The following SLC2A9 variants were observed in gnomAD, a reference collection of about 807,000 sequenced individuals.
SLC2A9 encodes the protein solute carrier family 2, facilitated glucose transporter member 9.
A neutral mutation model predicts 50.6 loss-of-function variants in SLC2A9; 39 were observed. That is an observed-to-expected ratio of 0.77 (90% CI 0.60 to 1.01). The LOEUF (loss-of-function observed/expected upper bound fraction) is 1.01, where lower values mean the gene tolerates loss of function less well. SLC2A9 is among the 50% of genes least tolerant of loss of function. The probability of loss-of-function intolerance (pLI) is 0.00; values close to 1 mark genes in which losing one functional copy is unlikely to be tolerated. For missense variants in SLC2A9, 686 were observed against 677.6 expected, an observed-to-expected ratio of 1.01 and a Z score of -0.14; for synonymous variants, 324 against 276.9, an observed-to-expected ratio of 1.17 and a Z score of -1.69.
In SLC2A9 at chr4:9,940,350, G is replaced by A. The variant is rs558031753; in HGVS notation, c.814+1563C>T. Among the ~76,000 whole-genome samples, 11 of 152,228 alleles carry A rather than the reference G, an allele frequency of 7.2e-5. No homozygotes were observed. In the South Asian group the frequency reaches 1.7e-3, roughly 23 times the overall value. ...ACCCGGTACAATAGCCACTACTTCC[G>A]TTTCCTGGTATCTCTCTGTGCACGA... On this transcript the variant is annotated intron_variant, in intron 6 of 11. Transcript: ENST00000264784.
chr4:10,003,482 T>C (rs1347514050), intron 2 of SLC2A9, among the ~76,000 whole-genome samples: 1 of 152,194 alleles, frequency 6.6e-6, no homozygotes, highest in Non-Finnish European at 1.5e-5. Context: ...GAAGCCTCTA[T>C]AGACTCTGGA....
chr4:9,937,902 C>A lies in SLC2A9; in HGVS notation c.814+4011G>T, dbSNP rs1577979675. The stretch of plus-strand genomic sequence containing the variant: ...AGCAAGAGCCTACAAAGCACAAAGC[C>A]CAGCTCCCTCAAGCATCAGCGGCCT... On this transcript the variant is annotated intron_variant, in intron 6 of 11. Coordinates refer to ENST00000264784, the MANE Select transcript of SLC2A9 (RefSeq NM_020041.3). Among the ~76,000 whole-genome samples, 6 of 152,312 alleles carry A rather than the reference C, an allele frequency of 3.9e-5. 1 individual carries two copies. The highest frequency in any genetic ancestry group is 3.9e-4 in the Admixed American group (6 of 15,302).
chr4:9,812,656 C>T (rs1723045663), intron 3 of SLC2A9, among the ~76,000 whole-genome samples: 1 of 152,108 alleles, frequency 6.6e-6, no homozygotes, highest in African/African-American at 2.4e-5. Context: ...TGAGAAGTGC[C>T]ACATTTTAAA....
chr4:9,840,861 A>G (rs189281391), intron 10 of SLC2A9, among the ~76,000 whole-genome samples: 1 of 152,324 alleles, frequency 6.6e-6, no homozygotes, highest in Non-Finnish European at 1.5e-5. Flanking sequence ...CAGGAAACTT[A>G]CAATCGTGGA....
chr4:9,831,733 T>C (rs978909553), intron 11 of SLC2A9, among the ~76,000 whole-genome samples: 4 of 152,218 alleles, frequency 2.6e-5, no homozygotes, highest in Admixed American at 1.3e-4. Flanking sequence ...AAGCTGGCAG[T>C]GCAGCCATGT....
At chr4:9,775,266 G>T (rs371697515), downstream of SLC2A9, among the ~76,000 whole-genome samples, 1 of 152,144 alleles carries the variant, frequency 6.6e-6, no homozygotes, top group African/African-American at 2.4e-5. Flanking sequence ...GGGGCCCAAC[G>T]GGGAGACTCT....
chr4:9,812,691 A>G (rs1229739596), intron 3 of SLC2A9, among the ~76,000 whole-genome samples: 1 of 152,180 alleles, frequency 6.6e-6, no homozygotes, highest in Non-Finnish European at 1.5e-5. Context: ...CAAGAGACAC[A>G]TAGTCATGGA....
At chr4:9,991,850 G>T (rs1256953737) in intron 3 of SLC2A9, among the ~76,000 whole-genome samples, 1 of 152,182 alleles carries the variant, frequency 6.6e-6, no homozygotes, top group Non-Finnish European at 1.5e-5. Context: ...CCAGCCTCCA[G>T]AACTGTGAGA....
At chr4:9,783,774 C>G (rs371426510) in intron 3 of SLC2A9, 3 of 275,790 alleles carry the variant, frequency 1.1e-5, no homozygotes, top group African/African-American at 2.2e-5. Flanking sequence ...ATGCTCTCCC[C>G]TCCCTTTTTA....
At chr4:9,919,426 T>C (rs1240005161) in intron 7 of SLC2A9, among the ~76,000 whole-genome samples, 2 of 152,222 alleles carry the variant, frequency 1.3e-5, no homozygotes, top group Non-Finnish European at 2.9e-5. Context: ...ATTTCTATGC[T>C]GCTGTTTTTC....
chr4:10,015,750 T>A (rs1762510547), intron 2 of SLC2A9, among the ~76,000 whole-genome samples: 1 of 152,192 alleles, frequency 6.6e-6, no homozygotes, highest in Non-Finnish European at 1.5e-5. Flanking sequence ...GGCACTTTGA[T>A]TTTGGATTTC....
At chr4:10,020,674 C>G (rs1285460717) in intron 1 of SLC2A9, among the ~76,000 whole-genome samples, 1 of 152,214 alleles carries the variant, frequency 6.6e-6, no homozygotes, top group Non-Finnish European at 1.5e-5. Flanking sequence ...TTCTGAGCCC[C>G]TGGGCTGTGC....
chr4:9,795,110 C>T (rs1720440423), downstream of SLC2A9, among the ~76,000 whole-genome samples: 1 of 148,132 alleles, frequency 6.8e-6, no homozygotes, highest in Admixed American at 6.8e-5. Context: ...CTCCCGGGTT[C>T]AAGCAATTCT....
chr4:9,833,038 C>G (rs1726431593), intron 11 of SLC2A9, among the ~76,000 whole-genome samples: 1 of 152,154 alleles, frequency 6.6e-6, no homozygotes, highest in African/African-American at 2.4e-5. Flanking sequence ...ATGGGGGAAC[C>G]ATGTTGACAG....
intron 10 of SLC2A9, among the ~76,000 whole-genome samples, chr4:9,857,746 G>T (rs1235977325): frequency 6.6e-6 from 1 of 152,222 alleles, no homozygotes; most frequent in Admixed American, 6.5e-5. Flanking sequence ...TGCCTGCCTG[G>T]CCCTGCCTGA....
At chr4:10,013,041 A>G (rs1578335772) in intron 2 of SLC2A9, among the ~76,000 whole-genome samples, 1 of 152,216 alleles carries the variant, frequency 6.6e-6, no homozygotes, top group African/African-American at 2.4e-5. Context: ...GGTTTAGTGT[A>G]GAGAATGAAT....
At chr4:9,869,147 G>A (rs1032670172) in intron 10 of SLC2A9, among the ~76,000 whole-genome samples, 2 of 152,198 alleles carry the variant, frequency 1.3e-5, no homozygotes, top group Non-Finnish European at 2.9e-5. Flanking sequence ...GTAAGACAGA[G>A]ACAGTATAAG....
At chr4:10,006,861 G>A (rs532561756) in intron 2 of SLC2A9, among the ~76,000 whole-genome samples, 50 of 152,076 alleles carry the variant, frequency 3.3e-4, no homozygotes, top group Non-Finnish European at 8.8e-5. Context: ...TTTTCTGCTT[G>A]CCAAGCAGAG....
At position 10,019,083 on chromosome 4, in the gene SLC2A9, G is replaced by A. The variant is rs764379307; in HGVS notation, c.151-10C>T. ...GCGAGCAGGACCAGTCCTGAGGGGA[G>A]AGGAAACCACGTCAGAGCCGGCACC... On this transcript the variant is annotated splice_polypyrimidine_tract_variant and intron_variant, in intron 1 of 11. Transcript: ENST00000264784. 6.4e-7 allele frequency: 1 copy of A among 1,550,620 alleles called. No homozygotes were observed. The highest frequency in any genetic ancestry group is 8.7e-7 in the Non-Finnish European group (1 of 1,146,454).
Sources: allele counts gnomAD v4.1 joint callset (sites outside exome capture counted in the v4.1 genomes callset), GRCh38; gene constraint gnomAD v4.1.1; transcripts MANE v1.5; gene names NCBI Gene and HGNC (gene_info 2026-07-23, HGNC 2026-07-21).